The following FOXK1 variants were observed in gnomAD, a reference collection of about 807,000 sequenced individuals.
FOXK1 encodes the protein forkhead box K1, also known as forkhead box protein K1.
A neutral mutation model predicts 51.9 loss-of-function variants in FOXK1; 19 were observed. That is an observed-to-expected ratio of 0.37 (90% confidence interval 0.26 to 0.54). FOXK1 has a LOEUF of 0.54. Ranked by LOEUF, FOXK1 falls within the 20% of genes least tolerant of loss-of-function variation. The pLI, the probability that FOXK1 is intolerant of heterozygous loss-of-function variation, is 0.87. For synonymous variants in FOXK1, 537 were observed against 482.6 expected, an observed-to-expected ratio of 1.11 and a Z score of -1.48; for missense variants, 870 against 1,032.7, an observed-to-expected ratio of 0.84 and a Z score of 2.16.
chr7:4,742,056 C>T (rs537728622), intron 2 of FOXK1, among the ~76,000 whole-genome samples: 1 of 152,412 alleles, frequency 6.6e-6, no homozygotes, highest in South Asian at 2.1e-4. Context: ...GTCTGTGGCT[C>T]TGCAGATGCG....
At position 4,769,725 on chromosome 7, in the gene FOXK1, G is replaced by A. The variant is rs936213017; in HGVS notation, c.*7261G>A. 5.3e-5 allele frequency: 8 copies of A among 152,292 alleles called. No homozygotes were observed. The highest frequency in any genetic ancestry group is 1.9e-4 in the African/African-American group (8 of 41,468). The allele number at this position is 152,292 out of a possible 1,614,324, so 9.4% of individuals were successfully genotyped here. A position where few individuals can be genotyped will look rare whatever the true frequency, so the allele number is the denominator to read the frequency against. On this transcript the variant is annotated 3_prime_UTR_variant, in exon 9 of 9. Transcript: ENST00000328914. The surrounding 1 kb of genome is among the most constrained non-coding windows in gnomAD (Gnocchi z 4.1). The stretch of plus-strand genomic sequence containing the variant: ...CAAAGTGCTGGGATTATAGGCATGA[G>A]CCACCGCGCCTGGCCTCTGTCACTT...
chr7:4,758,848 C>G lies in FOXK1; in HGVS notation c.1245-203C>G. On this transcript the variant is annotated intron_variant, in intron 5 of 8. Transcript: ENST00000328914. The surrounding 1 kb of genome is among the most constrained non-coding windows in gnomAD (Gnocchi z 4.4). The stretch of plus-strand genomic sequence containing the variant: ...CGTCCCCTCTCATGGAACGGAGCCT[C>G]CCCCATGCAGCCCCCACTCAAATGG... 1 of 596,524 alleles carries G rather than the reference C, an allele frequency of 1.7e-6. No homozygotes were observed. The allele number at this position is 596,524 out of a possible 1,614,324, so 37.0% of individuals were successfully genotyped here. A position where few individuals can be genotyped will look rare whatever the true frequency, so the allele number is the denominator to read the frequency against.
intron 1 of FOXK1, among the ~76,000 whole-genome samples, chr7:4,736,821 G>T (rs1236757664): frequency 6.6e-6 from 1 of 152,204 alleles, no homozygotes; most frequent in Non-Finnish European, 1.5e-5. Context: ...TAGGGTGAGT[G>T]GTTCTAAACC....
intron 7 of FOXK1, chr7:4,759,935 G>A (rs941231225): frequency 9.0e-5 from 32 of 354,796 alleles, no homozygotes; most frequent in Admixed American, 1.8e-4. Context: ...GGAGGCTGAG[G>A]GAGGAGAATC....
intron 1 of FOXK1, among the ~76,000 whole-genome samples, chr7:4,738,224 G>A (rs1306274352): frequency 6.6e-6 from 1 of 151,648 alleles, no homozygotes; most frequent in Non-Finnish European, 1.5e-5. Context: ...GTCACCTGAG[G>A]TCAGGAGTTT....
In FOXK1 at chr7:4,722,511, C is replaced by T. The variant is rs542181805; in HGVS notation, c.561-18327C>T. Among the ~76,000 whole-genome samples, 4 of 152,198 alleles carry T rather than the reference C, an allele frequency of 2.6e-5. No homozygotes were observed. Among genetic ancestry groups the T allele is most frequent in the African/African-American group, 4.8e-5 (2 of 41,458 alleles). On this transcript the variant is annotated intron_variant, in intron 1 of 8. Coordinates refer to ENST00000328914, the MANE Select transcript of FOXK1 (RefSeq NM_001037165.2). This position sits in a 1 kb window ranked among gnomAD's most constrained non-coding sequence, Gnocchi z 5.1. ...CTGCTCAGCACCAGTGGCCTCAGCC[C>T]AGTGCCAGCGTGCTGGGACGGGTAC...
At chr7:4,691,937 A>G (rs954302617) in intron 1 of FOXK1, among the ~76,000 whole-genome samples, 5 of 152,150 alleles carry the variant, frequency 3.3e-5, no homozygotes, top group African/African-American at 1.2e-4. Flanking sequence ...TATACCAGCA[A>G]TTCCCAGATT....
rs763284610 is a variant in FOXK1, at chr7:4,759,586, G to C, written c.1687G>C (p.Glu563Gln). 2.0e-6 allele frequency: 3 copies of C among 1,536,008 alleles called. No homozygotes were observed. The highest frequency in any genetic ancestry group is 2.6e-6 in the Non-Finnish European group (3 of 1,146,420). The change falls in exon 7 of 9, where the codon GAG becomes CAG. Residue 563 changes from glutamate to glutamine, a missense_variant. Coordinates refer to ENST00000328914, the MANE Select transcript of FOXK1 (RefSeq NM_001037165.2). Reference sequence around the variant, plus strand: ...CGCAGCCGTGCTGGACCTGGGCAGCGAGGCCAGAGGTAATGCAGCCGCGGC... The same window carrying C: ...CGCAGCCGTGCTGGACCTGGGCAGCCAGGCCAGAGGTAATGCAGCCGCGGC... ...AGAAVLDLGS[E>Q]ARGLEEKPTI...
Position 4,759,369 on chromosome 7 carries a change from C to A in FOXK1, c.1470C>A (p.Leu490=). ...CCGTGCCTCCCCGACCGTCCAGCCTCGTGGCCAAGCCCGTGGCCTACATGC... is the reference window on the plus strand; with the variant it reads ...CCGTGCCTCCCCGACCGTCCAGCCTAGTGGCCAAGCCCGTGGCCTACATGC... ...IMAVPPRPSS[L]VAKPVAYMPA... is the part of the protein sequence containing the mutation. Residue 490 remains leucine, a synonymous_variant, in exon 7 of 9, where the codon CTC becomes CTA. Coordinates refer to ENST00000328914, the MANE Select transcript of FOXK1 (RefSeq NM_001037165.2). 6.2e-7 allele frequency: 1 copy of A among 1,602,472 alleles called. No individual in the cohort carries two copies. The highest frequency in any genetic ancestry group is 8.5e-7 in the Non-Finnish European group (1 of 1,179,306).
chr7:4,687,629 T>A (rs1779838210), intron 1 of FOXK1, among the ~76,000 whole-genome samples: 1 of 152,220 alleles, frequency 6.6e-6, no homozygotes, highest in Non-Finnish European at 1.5e-5. Context: ...ATTTTGAATT[T>A]CATTTACCCA....
chr7:4,690,848 C>CAG (rs1779881505), intron 1 of FOXK1, among the ~76,000 whole-genome samples: 1 of 152,132 alleles, frequency 6.6e-6, no homozygotes, highest in African/African-American at 2.4e-5. Context: ...AGAGGATAAA[C>CAG]TTGCTAAATT....
In FOXK1 at chr7:4,733,277, C is replaced by A. The variant is rs890031654; in HGVS notation, c.561-7561C>A. Among the ~76,000 whole-genome samples the A allele has an allele frequency of 5.3e-5, 8 of 152,092 alleles. No homozygotes were observed. Among genetic ancestry groups the A allele is most frequent in the South Asian group, 4.1e-4 (2 of 4,834 alleles). On this transcript the variant is annotated intron_variant, in intron 1 of 8. Transcript: ENST00000328914. This position sits in a 1 kb window ranked among gnomAD's most constrained non-coding sequence, Gnocchi z 5.0. ...CTCCTGGGCTCAAGCAATCCTCCAA[C>A]CTCATCCTCCCAGAGTGCTGGGATT...
At position 4,715,333 on chromosome 7, in the gene FOXK1, G is replaced by C. The variant is rs113717111; in HGVS notation, c.561-25505G>C. ...GCAAAGTGTGTCTCAGAGTGAAGCC[G>C]ATAGGATCAAGCCCAAGTGTTCAGG... On this transcript the variant is annotated intron_variant, in intron 1 of 8. Coordinates refer to ENST00000328914, the MANE Select transcript of FOXK1 (RefSeq NM_001037165.2). The surrounding 1 kb of genome is among the most constrained non-coding windows in gnomAD (Gnocchi z 4.5). 6.2e-4 allele frequency among the ~76,000 whole-genome samples: 95 copies of C among 152,244 alleles called. No homozygotes were observed. Among genetic ancestry groups the C allele is most frequent in the Non-Finnish European group, 1.2e-3 (81 of 68,012 alleles).
chr7:4,686,289 G>T (rs60725624), intron 1 of FOXK1, among the ~76,000 whole-genome samples: 2 of 152,088 alleles, frequency 1.3e-5, no homozygotes, highest in East Asian at 3.8e-4. Context: ...TGTGTTGTCC[G>T]GGGCCACCCT....
intron 1 of FOXK1, among the ~76,000 whole-genome samples, chr7:4,721,741 A>G (rs530471738): frequency 1.3e-5 from 2 of 150,680 alleles, no homozygotes; most frequent in Non-Finnish European, 3.0e-5. Context: ...CAGGCGTGAG[A>G]CACCACGCCC....
At chr7:4,687,349 G>A (rs1056962051) in intron 1 of FOXK1, among the ~76,000 whole-genome samples, 1 of 151,946 alleles carries the variant, frequency 6.6e-6, no homozygotes, top group Non-Finnish European at 1.5e-5. Flanking sequence ...CTGGAGTGCA[G>A]GGGTGTGATC....
chr7:4,721,750 C>T (rs1350484476), intron 1 of FOXK1, among the ~76,000 whole-genome samples: 2 of 151,860 alleles, frequency 1.3e-5, no homozygotes, highest in South Asian at 4.2e-4. Flanking sequence ...GACACCACGC[C>T]CAGCTAATTC....
At chr7:4,716,931 C>G (rs547305387) in intron 1 of FOXK1, among the ~76,000 whole-genome samples, 377 of 152,228 alleles carry the variant, frequency 2.5e-3, no homozygotes, top group African/African-American at 9.0e-3. Flanking sequence ...AGGTGAAGGG[C>G]AAGTTGTACG....
In FOXK1 at chr7:4,763,240, G is replaced by T. The variant is rs1267700067; in HGVS notation, c.*776G>T. 6.6e-6 allele frequency: 1 copy of T among 152,256 alleles called. No homozygotes were observed. Among genetic ancestry groups the T allele is most frequent in the Non-Finnish European group, 1.5e-5 (1 of 68,064 alleles). 9.4% of individuals were successfully genotyped at this position (152,256 alleles called of 1,614,324 possible). On this transcript the variant is annotated 3_prime_UTR_variant, in exon 9 of 9. Coordinates refer to ENST00000328914, the MANE Select transcript of FOXK1 (RefSeq NM_001037165.2). ...TCAAGTAAGAGCAGCGGCTTCCTGG[G>T]TTGGCGTTCGCGGTGGAAGGTTCCT...
Sources: gnomAD v4.1 joint callset for allele counts (sites outside exome capture counted in the v4.1 genomes callset) on GRCh38, gnomAD v4.1.1 for gene constraint, Gnocchi (gnomAD v3.1) non-coding constraint, MANE v1.5 for transcripts, NCBI Gene and HGNC (gene_info 2026-07-23, HGNC 2026-07-21) for gene names.